Variants in RPS6KC1 observed in about 807,000 individuals in gnomAD.
The protein encoded by RPS6KC1 is inactive ribosomal protein S6 kinase delta-1.
Under a neutral mutation model 103.8 loss-of-function variants are expected in RPS6KC1, and 54 were observed. The observed-to-expected ratio is 0.52, with a 90% CI of 0.42 to 0.65. The LOEUF is 0.65. Among genes scored for constraint, RPS6KC1 ranks in the 30% least tolerant of loss-of-function variants. The pLI, the probability that RPS6KC1 is intolerant of heterozygous loss-of-function variation, is 0.00. For missense variants in RPS6KC1, 1,151 were observed against 1,253.8 expected, an observed-to-expected ratio of 0.92 and a Z score of 1.24; for synonymous variants, 439 against 438.7, an observed-to-expected ratio of 1.00 and a Z score of -0.01.
At chr1:213,214,336 C>T (rs2093601405) in intron 8 of RPS6KC1, among the ~76,000 whole-genome samples, 1 of 152,222 alleles carries the variant, frequency 6.6e-6, no homozygotes, top group African/African-American at 2.4e-5. Flanking sequence ...GGAAGGGGTG[C>T]CCGCCCTTGC....
chr1:213,857,133 A>C, the RPS6KC1 span, among the ~76,000 whole-genome samples: 2 of 152,188 alleles, frequency 1.3e-5, no homozygotes, highest in Non-Finnish European at 2.9e-5. Context: ...CTTTTTACCA[A>C]ATTGATTGAC....
the RPS6KC1 span, among the ~76,000 whole-genome samples, chr1:213,639,881 G>A: frequency 6.7e-6 from 1 of 150,102 alleles, no homozygotes; most frequent in Non-Finnish European, 1.5e-5. Context: ...CTGTCTTTTT[G>A]TGGTTTGGTA....
chr1:213,343,433 A>G, the RPS6KC1 span, among the ~76,000 whole-genome samples: 9,693 of 88,962 alleles, frequency 0.11, 1,777 homozygotes, highest in Middle Eastern at 0.2. Context: ...ATATATATAT[A>G]TATATATACA....
At chr1:213,375,270 CACAT>C in the RPS6KC1 span, among the ~76,000 whole-genome samples, 3 of 151,908 alleles carry the variant, frequency 2.0e-5, no homozygotes, top group Non-Finnish European at 4.4e-5. Context: ...CACACATATA[CACAT>C]ACATATATAC....
the RPS6KC1 span, among the ~76,000 whole-genome samples, chr1:213,393,675 A>G: frequency 6.6e-6 from 1 of 152,306 alleles, no homozygotes; most frequent in East Asian, 1.9e-4. Flanking sequence ...ATATCTGCAG[A>G]AAGTCCTTGC....
the RPS6KC1 span, among the ~76,000 whole-genome samples, chr1:213,299,799 CTTTTTA>C: frequency 3.3e-5 from 5 of 151,850 alleles, no homozygotes; most frequent in Non-Finnish European, 7.4e-5. Flanking sequence ...ATGCTAAATT[CTTTTTA>C]TTTTTATTTT....
the RPS6KC1 span, among the ~76,000 whole-genome samples, chr1:213,745,577 T>G: frequency 0.15 from 22,472 of 152,082 alleles, 1,887 homozygotes; most frequent in African/African-American, 0.21. Context: ...GGGGTTGTAT[T>G]ACTGATCTTG....
chr1:213,728,937 G>GT, the RPS6KC1 span, among the ~76,000 whole-genome samples: 308 of 93,384 alleles, frequency 3.3e-3, 51 homozygotes, highest in South Asian at 6.9e-3. Flanking sequence ...GAACATGAGG[G>GT]TTTTTTTTTT....
chr1:213,550,915 G>A, the RPS6KC1 span, among the ~76,000 whole-genome samples: 7 of 152,298 alleles, frequency 4.6e-5, no homozygotes, highest in South Asian at 2.1e-4. Flanking sequence ...CAGTTTCAGC[G>A]TTCTACTGTT....
the RPS6KC1 span, among the ~76,000 whole-genome samples, chr1:213,516,437 G>A: frequency 6.6e-6 from 1 of 152,210 alleles, no homozygotes; most frequent in South Asian, 2.1e-4. Context: ...TTTTTAGCAT[G>A]AAGGGTTGTT....
At chr1:213,051,876 T>C (rs1438219746) in intron 1 of RPS6KC1, among the ~76,000 whole-genome samples, 2 of 152,198 alleles carry the variant, frequency 1.3e-5, no homozygotes, top group Non-Finnish European at 2.9e-5. Context: ...AAAGTGTTAA[T>C]TTATGTATTG....
intron 14 of RPS6KC1, among the ~76,000 whole-genome samples, chr1:213,265,667 T>C (rs2094895397): frequency 2.6e-5 from 4 of 152,214 alleles, no homozygotes; most frequent in Admixed American, 2.6e-4. Context: ...ATATAAAAAT[T>C]CTTTGAGCAA....
At chr1:213,610,765 C>T in the RPS6KC1 span, among the ~76,000 whole-genome samples, 1 of 152,152 alleles carries the variant, frequency 6.6e-6, no homozygotes, top group East Asian at 1.9e-4. Flanking sequence ...GTGAGCAATT[C>T]AGGTAGGAAA....
the RPS6KC1 span, among the ~76,000 whole-genome samples, chr1:213,652,496 T>G: frequency 1.3e-5 from 2 of 152,322 alleles, no homozygotes; most frequent in Middle Eastern, 3.4e-3. Flanking sequence ...TTCATATAAA[T>G]ACACCTTAGA....
chr1:213,469,745 T>C, the RPS6KC1 span, among the ~76,000 whole-genome samples: 1 of 152,180 alleles, frequency 6.6e-6, no homozygotes, highest in African/African-American at 2.4e-5. Context: ...ACATTACCAT[T>C]ATCACACTTA....
chr1:213,223,789 G>A (rs748272173), intron 8 of RPS6KC1, among the ~76,000 whole-genome samples: 21 of 152,064 alleles, frequency 1.4e-4, no homozygotes, highest in Non-Finnish European at 2.9e-4. Context: ...TCTCCATATT[G>A]TTTTCCATAG....
At chr1:213,716,191 G>A in the RPS6KC1 span, among the ~76,000 whole-genome samples, 2 of 152,194 alleles carry the variant, frequency 1.3e-5, no homozygotes, top group Non-Finnish European at 2.9e-5. Flanking sequence ...GATGCTCTGT[G>A]TGTGTGTGTT....
At chr1:213,061,742 T>G (rs1572264649) in intron 1 of RPS6KC1, among the ~76,000 whole-genome samples, 2 of 152,204 alleles carry the variant, frequency 1.3e-5, no homozygotes, top group Admixed American at 1.3e-4. Context: ...AGGAGAAATG[T>G]TCAGAATAGT....
intron 6 of RPS6KC1, among the ~76,000 whole-genome samples, chr1:213,135,870 C>T (rs1433389766): frequency 6.6e-6 from 1 of 152,152 alleles, no homozygotes; most frequent in Admixed American, 6.6e-5. Context: ...TCTCAATATT[C>T]ACAAATGAAA....
Sources: allele counts gnomAD v4.1 joint callset (sites outside exome capture counted in the v4.1 genomes callset), GRCh38; gene constraint gnomAD v4.1.1; transcripts MANE v1.5; gene names NCBI Gene and HGNC (gene_info 2026-07-23, HGNC 2026-07-21).